TNFRSF19: variants seen among roughly 807,000 people sequenced by gnomAD.
The protein encoded by TNFRSF19 is tumor necrosis factor receptor superfamily member 19.
TNFRSF19 carries 27 observed loss-of-function variants against 46.4 expected under a neutral mutation model. The observed-to-expected ratio is 0.58, with a 90% CI of 0.43 to 0.80. The LOEUF is 0.80. Ranked by LOEUF, TNFRSF19 falls within the 30% of genes least tolerant of loss-of-function variation. The pLI is 0.00. For missense variants in TNFRSF19, 511 were observed against 530.8 expected, an observed-to-expected ratio of 0.96 and a Z score of 0.37; for synonymous variants, 204 against 205.0, an observed-to-expected ratio of 1.00 and a Z score of 0.04.
At chr13:23,662,559 G>A (rs1884437586) in intron 7 of TNFRSF19, among the ~76,000 whole-genome samples, 1 of 152,168 alleles carries the variant, frequency 6.6e-6, no homozygotes, top group Admixed American at 6.5e-5. Flanking sequence ...TCCTAGTTCT[G>A]TGAAGAATGT....
intron 4 of TNFRSF19, among the ~76,000 whole-genome samples, chr13:23,617,919 C>T (rs776800509): frequency 6.6e-6 from 1 of 152,062 alleles, no homozygotes; most frequent in Non-Finnish European, 1.5e-5. Flanking sequence ...CTAACTGGAT[C>T]GACCACAAGA....
chr13:23,592,328 G>C (rs1879371148), intron 2 of TNFRSF19, among the ~76,000 whole-genome samples: 1 of 152,158 alleles, frequency 6.6e-6, no homozygotes, highest in South Asian at 2.1e-4. Context: ...TTAGGGTAAG[G>C]GGTTGGACCA....
Position 23,586,008 on chromosome 13 carries a change from C to T in TNFRSF19, c.-34-4142C>T, listed in dbSNP as rs549754034. 1.6e-4 allele frequency among the ~76,000 whole-genome samples: 24 copies of T among 152,248 alleles called. No individual in the cohort carries two copies. The East Asian group carries it at 3.7e-3, about 23-fold the overall frequency. On this transcript the variant is annotated intron_variant, in intron 1 of 9. Transcript: ENST00000248484. ...AAATGTAGCCGGGCGCGGTGGCTCACGCCTGTAATCCCAGCACTTTGAGAG... is the reference window on the plus strand; with the variant it reads ...AAATGTAGCCGGGCGCGGTGGCTCATGCCTGTAATCCCAGCACTTTGAGAG...
intron 1 of TNFRSF19, among the ~76,000 whole-genome samples, chr13:23,580,955 C>T (rs1312236782): frequency 1.3e-5 from 2 of 152,194 alleles, no homozygotes; most frequent in East Asian, 3.8e-4. Flanking sequence ...TAAGTGCTAA[C>T]TCTGAGAGGT....
At chr13:23,639,901 T>A (rs1053646387) in intron 5 of TNFRSF19, among the ~76,000 whole-genome samples, 10 of 152,264 alleles carry the variant, frequency 6.6e-5, no homozygotes, top group Non-Finnish European at 1.2e-4. Flanking sequence ...GGACTTATTG[T>A]TGCAGTCAGA....
chr13:23,612,774 T>C (rs539648697), intron 3 of TNFRSF19, among the ~76,000 whole-genome samples: 2 of 152,336 alleles, frequency 1.3e-5, no homozygotes, highest in East Asian at 3.9e-4. Context: ...ATTTTATTAT[T>C]TTGCCAAAAA....
chr13:23,599,894 G>C (rs549448744), intron 3 of TNFRSF19, among the ~76,000 whole-genome samples: 1 of 151,242 alleles, frequency 6.6e-6, no homozygotes, highest in Admixed American at 6.6e-5. Context: ...TTGGCCAAGA[G>C]GGGGGGTCCA....
chr13:23,600,855 C>G (rs1199528796), intron 3 of TNFRSF19, among the ~76,000 whole-genome samples: 2 of 152,138 alleles, frequency 1.3e-5, no homozygotes, highest in African/African-American at 4.8e-5. Flanking sequence ...TATAGCAGCT[C>G]CTTCTACCCA....
chr13:23,634,077 G>C (rs1356712105), intron 5 of TNFRSF19, among the ~76,000 whole-genome samples: 1 of 152,176 alleles, frequency 6.6e-6, no homozygotes, highest in Admixed American at 6.5e-5. Context: ...AAACACATGT[G>C]CCCTACATTG....
Position 23,660,417 on chromosome 13 carries a change from T to G in TNFRSF19, c.663T>G (p.Phe221Leu). ...IQYNGSELSC[F>L]DRPQLHEYAH... ...ACAACGGCTCTGAGCTGTCGTGTTT[T>G]GACAGACCTCAGCTCCACGAATATG... The change falls in exon 7 of 10, where the codon TTT (phenylalanine) becomes TTG (leucine). Residue 221 changes from phenylalanine (F) to leucine (L), a missense_variant. This residue lies in a region of TNFRSF19 where 376 missense variants were observed against 372.7 expected (regional missense o/e 1.01). Coordinates refer to ENST00000248484, the MANE Select transcript of TNFRSF19 (RefSeq NM_148957.4). The G allele has an allele frequency of 6.2e-7, 1 of 1,613,958 alleles. No homozygotes were observed. The highest frequency in any genetic ancestry group is 8.5e-7 in the Non-Finnish European group (1 of 1,180,026).
chr13:23,638,432 G>A (rs951391455), intron 5 of TNFRSF19, among the ~76,000 whole-genome samples: 2 of 152,150 alleles, frequency 1.3e-5, no homozygotes, highest in African/African-American at 2.4e-5. Flanking sequence ...AGGGCCAGGC[G>A]CTGAGGCCTG....
At chr13:23,610,866 A>T (rs921533736) in intron 3 of TNFRSF19, among the ~76,000 whole-genome samples, 2 of 151,974 alleles carry the variant, frequency 1.3e-5, no homozygotes, top group African/African-American at 4.8e-5. Context: ...CTTAAAGTTT[A>T]TTGATAAAAA....
rs754133971 is a variant in TNFRSF19, at chr13:23,626,835, C to G, written c.445+43C>G. On this transcript the variant is annotated intron_variant, in intron 5 of 9. Transcript: ENST00000248484. ...AGGCAGAGCCAAGGGGACGCCTGGC[C>G]TTTTGAAAAAGTTTAAATTTGTAAA... The G allele has an allele frequency of 3.1e-6, 5 of 1,588,086 alleles. No homozygotes were observed. The Admixed American group carries it at 8.9e-5, about 28-fold the overall frequency.
At chr13:23,653,052 G>A (rs975380535) in intron 5 of TNFRSF19, among the ~76,000 whole-genome samples, 1 of 152,190 alleles carries the variant, frequency 6.6e-6, no homozygotes, top group Non-Finnish European at 1.5e-5. Flanking sequence ...GCCTGGGAAA[G>A]CAGCTCTGCG....
At chr13:23,672,633 T>C (rs1446708162) in intron 9 of TNFRSF19, among the ~76,000 whole-genome samples, 2 of 152,212 alleles carry the variant, frequency 1.3e-5, no homozygotes, top group African/African-American at 4.8e-5. Flanking sequence ...TCCTTAGACC[T>C]AGGAATAATT....
In TNFRSF19 at chr13:23,668,764, T is replaced by G. The variant is rs1359987702; in HGVS notation, c.912T>G (p.Phe304Leu). 1 of 1,614,258 alleles carries G rather than the reference T, an allele frequency of 6.2e-7. No individual in the cohort carries two copies. Among genetic ancestry groups the G allele is most frequent in the Non-Finnish European group, 8.5e-7 (1 of 1,180,042 alleles). ...TCACGCAGTCCATCTGTGGCGAGTT[T>G]TCAGATGCCTGGCCTCTGATGCAGA... ...GSLTQSICGE[F>L]SDAWPLMQNP... The change falls in exon 9 of 10, where the codon TTT becomes TTG. Residue 304 changes from phenylalanine to leucine, a missense_variant. Around this residue, in one of 3 missense-constraint regions of TNFRSF19, gnomAD observed 376 missense variants for 372.7 expected, o/e 1.01. Coordinates refer to ENST00000248484, the MANE Select transcript of TNFRSF19 (RefSeq NM_148957.4).
rs375935422 is a variant in TNFRSF19 at position 23,606,447 on chromosome 13, C to T, written c.181-9420C>T. 8.5e-5 allele frequency among the ~76,000 whole-genome samples: 13 copies of T among 152,284 alleles called. No individual in the cohort carries two copies. The East Asian group carries it at 1.9e-3, about 23-fold the overall frequency. On this transcript the variant is annotated intron_variant, in intron 3 of 9. Coordinates refer to ENST00000248484, the MANE Select transcript of TNFRSF19 (RefSeq NM_148957.4). The stretch of plus-strand genomic sequence containing the variant: ...AAAAATGAGATTCTTAGGACCCACT[C>T]AGGTGCACAGTTGTATACCATGTTA...
intron 5 of TNFRSF19, among the ~76,000 whole-genome samples, chr13:23,639,697 G>C (rs1423512661): frequency 6.6e-6 from 1 of 152,220 alleles, no homozygotes; most frequent in African/African-American, 2.4e-5. Context: ...TGGCCAGCAG[G>C]GCAGTGGTCT....
intron 5 of TNFRSF19, among the ~76,000 whole-genome samples, chr13:23,639,478 C>A (rs1295707001): frequency 6.6e-6 from 1 of 152,244 alleles, no homozygotes; most frequent in Non-Finnish European, 1.5e-5. Context: ...TAGCTCCTTT[C>A]CTTTGCCTCC....
Sources: allele counts gnomAD v4.1 joint callset (sites outside exome capture counted in the v4.1 genomes callset), GRCh38; gene constraint gnomAD v4.1.1; regional missense constraint gnomAD v4.1.1; transcripts MANE v1.5; gene names NCBI Gene and HGNC (gene_info 2026-07-23, HGNC 2026-07-21).